Variants in GPC5 observed in about 807,000 individuals in gnomAD.
GPC5 encodes the protein glypican-5.
GPC5 carries 47 observed loss-of-function variants against 53.9 expected under a neutral mutation model. The observed-to-expected ratio is 0.87, with a 90% CI of 0.69 to 1.11. The LOEUF (loss-of-function observed/expected upper bound fraction) is 1.11. Ranked by LOEUF, GPC5 falls within the 50% of genes most tolerant of loss-of-function variation. The pLI is 0.00. For synonymous variants in GPC5, 286 were observed against 263.3 expected, an observed-to-expected ratio of 1.09 and a Z score of -0.84; for missense variants, 748 against 713.1, an observed-to-expected ratio of 1.05 and a Z score of -0.56.
At chr13:92,053,989 G>A (rs1006846342) in intron 6 of GPC5, among the ~76,000 whole-genome samples, 7 of 151,294 alleles carry the variant, frequency 4.6e-5, no homozygotes, top group African/African-American at 7.3e-5. Context: ...CTGAGATCGC[G>A]CCACTGCACT....
intron 6 of GPC5, among the ~76,000 whole-genome samples, chr13:92,021,764 G>A (rs2040760528): frequency 6.6e-6 from 1 of 152,064 alleles, no homozygotes; most frequent in Admixed American, 6.6e-5. Context: ...AGTATAGTTT[G>A]TATAAATCCA....
At chr13:91,949,821 G>A (rs2040009293) in intron 6 of GPC5, among the ~76,000 whole-genome samples, 2 of 93,036 alleles carry the variant, frequency 2.1e-5, no homozygotes, top group African/African-American at 4.9e-5. Flanking sequence ...ATGGTAGAAA[G>A]GAAAAAAATT....
intron 7 of GPC5, among the ~76,000 whole-genome samples, chr13:92,389,298 C>T (rs1450552583): frequency 6.6e-6 from 1 of 152,068 alleles, no homozygotes; most frequent in South Asian, 2.1e-4. Flanking sequence ...AAGATCACAC[C>T]CTTTGGAACA....
intron 7 of GPC5, among the ~76,000 whole-genome samples, chr13:92,360,004 T>C (rs2043553266): frequency 6.6e-6 from 1 of 151,764 alleles, no homozygotes; most frequent in Non-Finnish European, 1.5e-5. Context: ...TTTGCAAATA[T>C]TTTCTCCCAT....
At chr13:92,838,307 ACC>A (rs1197508988) in intron 7 of GPC5, among the ~76,000 whole-genome samples, 1 of 151,262 alleles carries the variant, frequency 6.6e-6, no homozygotes, top group African/African-American at 2.4e-5. Flanking sequence ...ACACCGTGAA[ACC>A]CCGTCTCTAC....
intron 7 of GPC5, among the ~76,000 whole-genome samples, chr13:92,737,748 C>CTTTTT (rs200370425): frequency 2.8e-5 from 3 of 108,158 alleles, no homozygotes; most frequent in Non-Finnish European, 4.0e-5. Context: ...TATTTTCTTT[C>CTTTTT]TTTTTTTTTT....
intron 7 of GPC5, among the ~76,000 whole-genome samples, chr13:92,173,236 GCCATTCTCAC>G (rs2042083293): frequency 6.6e-6 from 1 of 151,914 alleles, no homozygotes; most frequent in African/African-American, 2.4e-5. Flanking sequence ...ACAGAGATCG[GCCATTCTCAC>G]CTAGGTCATT....
chr13:92,140,407 C>T (rs1039613055), intron 6 of GPC5, among the ~76,000 whole-genome samples: 3 of 152,074 alleles, frequency 2.0e-5, no homozygotes, highest in African/African-American at 7.2e-5. Flanking sequence ...AGTGGATGTT[C>T]AGTGAGGGAA....
intron 6 of GPC5, among the ~76,000 whole-genome samples, chr13:92,127,556 A>G: frequency 6.6e-6 from 1 of 152,296 alleles, no homozygotes; most frequent in South Asian, 2.1e-4. Context: ...TCAATCGATT[A>G]AATATTAATA....
At chr13:92,677,871 A>ATT (rs1404435103) in intron 7 of GPC5, among the ~76,000 whole-genome samples, 6 of 152,280 alleles carry the variant, frequency 3.9e-5, no homozygotes, top group Admixed American at 2.0e-4. Flanking sequence ...ATCTTCACTA[A>ATT]TCTTCAGCTC....
At chr13:92,775,554 C>T (rs1875772644) in intron 7 of GPC5, among the ~76,000 whole-genome samples, 1 of 152,070 alleles carries the variant, frequency 6.6e-6, no homozygotes, top group African/African-American at 2.4e-5. Context: ...GGCTAGAATC[C>T]ATTGTCCAGG....
intron 7 of GPC5, among the ~76,000 whole-genome samples, chr13:92,451,628 A>G (rs1389383140): frequency 6.6e-6 from 1 of 152,212 alleles, no homozygotes; most frequent in Non-Finnish European, 1.5e-5. Context: ...CACAATCAAC[A>G]CTAGACATTA....
At chr13:91,950,712 T>G (rs1394610535) in intron 6 of GPC5, among the ~76,000 whole-genome samples, 1 of 152,234 alleles carries the variant, frequency 6.6e-6, no homozygotes, top group African/African-American at 2.4e-5. Context: ...CGCTTTCTAC[T>G]GTTGATGCTA....
intron 7 of GPC5, among the ~76,000 whole-genome samples, chr13:92,288,119 G>A (rs1384967650): frequency 6.6e-6 from 1 of 151,342 alleles, no homozygotes; most frequent in Non-Finnish European, 1.5e-5. Flanking sequence ...ATCCCTATCT[G>A]TTTGTTGATA....
intron 7 of GPC5, among the ~76,000 whole-genome samples, chr13:92,218,228 T>C (rs2042424977): frequency 6.6e-6 from 1 of 152,226 alleles, no homozygotes; most frequent in South Asian, 2.1e-4. Flanking sequence ...CCCTAATTTA[T>C]ACCAAACAGA....
At chr13:91,892,351 C>T (rs2039395630) in intron 5 of GPC5, among the ~76,000 whole-genome samples, 1 of 151,596 alleles carries the variant, frequency 6.6e-6, no homozygotes, top group Non-Finnish European at 1.5e-5. Flanking sequence ...CTTACTTGTT[C>T]CTTTTTACCA....
intron 7 of GPC5, among the ~76,000 whole-genome samples, chr13:92,527,237 GAAA>G: frequency 2.7e-5 from 1 of 37,084 alleles, no homozygotes; most frequent in South Asian, 1.2e-3. Flanking sequence ...AAGAAAGAAA[GAAA>G]GAAAGAAAGA....
At chr13:92,713,312 G>T (rs955885237) in intron 7 of GPC5, among the ~76,000 whole-genome samples, 26 of 152,054 alleles carry the variant, frequency 1.7e-4, no homozygotes, top group South Asian at 1.0e-3. Flanking sequence ...GTTCAATCTG[G>T]CCGGGTGTGG....
intron 5 of GPC5, among the ~76,000 whole-genome samples, chr13:91,814,308 G>A (rs970906595): frequency 3.9e-5 from 6 of 152,008 alleles, no homozygotes; most frequent in African/African-American, 1.5e-4. Flanking sequence ...GTATTTGTAT[G>A]TATGTCTGTT....
Sources: gnomAD v4.1 joint callset for allele counts (sites outside exome capture counted in the v4.1 genomes callset) on GRCh38, gnomAD v4.1.1 for gene constraint, MANE v1.5 for transcripts, NCBI Gene and HGNC (gene_info 2026-07-23, HGNC 2026-07-21) for gene names.